TMEM71: variants seen among roughly 807,000 people sequenced by gnomAD.
TMEM71 encodes transmembrane protein 71.
A neutral mutation model predicts 38.0 loss-of-function variants in TMEM71; 44 were observed. The observed-to-expected ratio is 1.16, with a 90% CI of 0.91 to 1.49. TMEM71 has a LOEUF of 1.49. Ranked by LOEUF, TMEM71 falls within the 40% of genes most tolerant of loss-of-function variation. The pLI is 0.00. For synonymous variants in TMEM71, 133 were observed against 122.5 expected (o/e 1.09, Z -0.56); for missense variants, 367 against 348.6 (o/e 1.05, Z -0.42).
At chr8:132,752,178 G>A (rs535912166) in intron 3 of TMEM71, among the ~76,000 whole-genome samples, 181 bp from the exon 4 acceptor site, 11 of 152,318 alleles carry the variant, frequency 7.2e-5, no homozygotes, top group Non-Finnish European at 1.5e-4. Flanking sequence ...CTATGACAGC[G>A]TTGAACTACA....
chr8:132,726,838 T>C (rs781093941), intron 6 of TMEM71, among the ~76,000 whole-genome samples: 2 of 151,210 alleles, frequency 1.3e-5, no homozygotes, highest in East Asian at 1.9e-4. Flanking sequence ...TTTTGTTGTT[T>C]CCTCTTCTTC....
At chr8:132,745,698 A>T (rs1332152423) in intron 5 of TMEM71, among the ~76,000 whole-genome samples, 2 of 152,108 alleles carry the variant, frequency 1.3e-5, no homozygotes, top group Non-Finnish European at 2.9e-5. Flanking sequence ...ACAAATCATT[A>T]TACCAAAACA....
chr8:132,775,077 C>T, the TMEM71 span, among the ~76,000 whole-genome samples: 2 of 152,214 alleles, frequency 1.3e-5, no homozygotes, highest in African/African-American at 4.8e-5. Context: ...TGCCAAGGGT[C>T]CTGGGTAAAG....
At chr8:132,732,591 G>A (rs1475127011) in intron 5 of TMEM71, among the ~76,000 whole-genome samples, 1 of 152,120 alleles carries the variant, frequency 6.6e-6, no homozygotes, top group Non-Finnish European at 1.5e-5. Context: ...GAGCATGAGT[G>A]TAACATGAGT....
Position 132,757,300 on chromosome 8 carries a change from T to A in TMEM71, c.41-6A>T. On this transcript the variant is annotated splice_polypyrimidine_tract_variant and splice_region_variant and intron_variant, in intron 2 of 9. Transcript: ENST00000677595. ...TCTTTCCAACCTGGAAGAACCTGCA[T>A]AAACAAATGAGAGAGAAGTAGAATG... is the stretch of plus-strand genomic sequence containing the variant. The A allele has an allele frequency of 6.3e-7, 1 of 1,585,172 alleles. No individual in the cohort carries two copies. Among genetic ancestry groups the A allele is most frequent in the Non-Finnish European group, 8.6e-7 (1 of 1,163,010 alleles).
intron 4 of TMEM71, among the ~76,000 whole-genome samples, chr8:132,751,107 A>G (rs986728241): frequency 6.6e-6 from 1 of 152,204 alleles, no homozygotes; most frequent in African/African-American, 2.4e-5. Context: ...TAATTTATCA[A>G]TGCCTGCTCC....
intron 7 of TMEM71, among the ~76,000 whole-genome samples, chr8:132,721,082 G>A (rs1826815871): frequency 6.6e-6 from 1 of 152,172 alleles, no homozygotes; most frequent in Non-Finnish European, 1.5e-5. Context: ...CTGATGATGT[G>A]ACATTTGAAC....
At chr8:132,774,179 C>A in the TMEM71 span, among the ~76,000 whole-genome samples, 80 of 152,194 alleles carry the variant, frequency 5.3e-4, no homozygotes, top group Non-Finnish European at 5.1e-4. Context: ...AAAGTATAAT[C>A]CTGTCATGTC....
In TMEM71 at chr8:132,710,678, G is replaced by T. The variant is rs143378891; in HGVS notation, c.*289C>A. On this transcript the variant is annotated 3_prime_UTR_variant, in exon 10 of 10. Transcript: ENST00000677595. The stretch of plus-strand genomic sequence containing the variant: ...CCACTGCCTTAAAGAATCATAGGGG[G>T]ACATTTATTCCAGGCGGTCTCTTTT... The T allele has an allele frequency of 4.0e-3, 2,155 of 540,884 alleles. 18 individuals carry two copies. Among genetic ancestry groups the T allele is most frequent in the Non-Finnish European group, 3.4e-3 (1,067 of 311,880 alleles). 33.5% of individuals were successfully genotyped at this position (540,884 alleles called of 1,614,324 possible).
intron 4 of TMEM71, among the ~76,000 whole-genome samples, chr8:132,749,662 G>T (rs1228835163): frequency 6.6e-6 from 1 of 152,226 alleles, no homozygotes; most frequent in Non-Finnish European, 1.5e-5. Flanking sequence ...CTGAGTCTCT[G>T]CTTCAAGGTG....
intron 5 of TMEM71, among the ~76,000 whole-genome samples, chr8:132,744,921 C>T (rs1303838330): frequency 1.3e-5 from 2 of 152,058 alleles, no homozygotes; most frequent in African/African-American, 4.8e-5. Context: ...CAAAAAATAG[C>T]AATAGGGAAA....
At chr8:132,714,321 A>AACT in intron 7 of TMEM71, 106 bp from the exon 8 acceptor site, 1 of 845,294 alleles carries the variant, frequency 1.2e-6, no homozygotes, top group Non-Finnish European at 2.0e-6. Flanking sequence ...TTTACTATGA[A>AACT]ACTACAGTAA....
upstream of TMEM71, among the ~76,000 whole-genome samples, chr8:132,764,113 T>G (rs1038108280): frequency 2.0e-5 from 3 of 152,232 alleles, no homozygotes; most frequent in African/African-American, 7.2e-5. Context: ...ATGTAGCTTT[T>G]GAACACGGAC....
chr8:132,724,892 C>T (rs766002045), intron 6 of TMEM71, among the ~76,000 whole-genome samples: 20 of 152,140 alleles, frequency 1.3e-4, no homozygotes, highest in Non-Finnish European at 2.6e-4. Flanking sequence ...CCTTCCAAAA[C>T]CAATAAAACT....
At chr8:132,715,575 C>A (rs1826483065) in intron 7 of TMEM71, among the ~76,000 whole-genome samples, 1 of 152,028 alleles carries the variant, frequency 6.6e-6, no homozygotes, top group Admixed American at 6.6e-5. Context: ...CAGTTGCACC[C>A]CTTGGTATTA....
At chr8:132,733,670 A>G (rs542440929) in intron 5 of TMEM71, among the ~76,000 whole-genome samples, 4 of 152,336 alleles carry the variant, frequency 2.6e-5, no homozygotes, top group African/African-American at 9.6e-5. Context: ...AGATCATCCA[A>G]TAATGACCAG....
chr8:132,747,073 G>C lies in TMEM71; in HGVS notation c.356C>G (p.Ser119Cys). The C allele has an allele frequency of 6.2e-7, 1 of 1,611,750 alleles. No homozygotes were observed. Among genetic ancestry groups the C allele is most frequent in the Non-Finnish European group, 8.5e-7 (1 of 1,179,354 alleles). Residue 119 changes from serine (S) to cysteine (C), a missense_variant, in exon 5 of 10, where the codon TCT (serine) becomes TGT (cysteine). Coordinates refer to ENST00000677595, the MANE Select transcript of TMEM71 (RefSeq NM_001382403.1). ...KKKRICHSFS[S>C]LFNLSTSKSW... Reference sequence around the variant, plus strand: ...TTTGGAGGTACTGAGGTTGAAGAGAGAAGAAAAGGAATGGCAGATTCTCTT... The same window carrying C: ...TTTGGAGGTACTGAGGTTGAAGAGACAAGAAAAGGAATGGCAGATTCTCTT...
At chr8:132,766,964 A>C in the TMEM71 span, among the ~76,000 whole-genome samples, 1 of 152,202 alleles carries the variant, frequency 6.6e-6, no homozygotes, top group Non-Finnish European at 1.5e-5. Flanking sequence ...TATGTTCAAC[A>C]TTCAATACCA....
intron 3 of TMEM71, 53 bp downstream of exon 3, chr8:132,757,181 C>T (rs1829069978): frequency 1.4e-6 from 2 of 1,383,800 alleles, no homozygotes; most frequent in Non-Finnish European, 2.0e-6. Context: ...CAGGCATGAG[C>T]CACCACGCCC....
Sources: gnomAD v4.1 joint callset for allele counts (sites outside exome capture counted in the v4.1 genomes callset) on GRCh38, gnomAD v4.1.1 for gene constraint, MANE v1.5 for transcripts, NCBI Gene and HGNC (gene_info 2026-07-23, HGNC 2026-07-21) for gene names.